The following ODAD4 variants were observed in gnomAD, a reference collection of about 807,000 sequenced individuals.
ODAD4 encodes the protein outer dynein arm-docking complex subunit 4.
In ODAD4, 49 loss-of-function variants were observed where a neutral mutation model predicts 51.8. The ratio of observed to expected loss-of-function variants is 0.95; its 90% confidence interval spans 0.75 to 1.20. The LOEUF (loss-of-function observed/expected upper bound fraction) is 1.20. ODAD4 is among the 50% of genes most tolerant of loss of function. ODAD4 has a pLI of 0.00. For missense variants in ODAD4, 590 were observed against 586.5 expected, an observed-to-expected ratio of 1.01 and a Z score of -0.06; for synonymous variants, 235 against 221.3, an observed-to-expected ratio of 1.06 and a Z score of -0.55.
chr17:41,949,366 G>T lies in ODAD4; in HGVS notation c.1342+17G>T. The T allele has an allele frequency of 2.5e-6, 1 of 398,504 alleles. No homozygotes were observed. The highest frequency in any genetic ancestry group is 1.3e-4 in the South Asian group (1 of 7,760). 24.7% of individuals were successfully genotyped at this position (398,504 alleles called of 1,614,324 possible). ...AGGCACAAGGTATGGGCTCAGAGATGACCACCCTACCTTTTCCAGCCTTCA... is the reference window on the plus strand; with the variant it reads ...AGGCACAAGGTATGGGCTCAGAGATTACCACCCTACCTTTTCCAGCCTTCA... On this transcript the variant is annotated intron_variant, in intron 9 of 11. Transcript: ENST00000377540.
At chr17:41,931,018 C>T (rs1555636730) in intron 1 of ODAD4, among the ~76,000 whole-genome samples, 181 bp downstream of exon 1, 1 of 151,444 alleles carries the variant, frequency 6.6e-6, no homozygotes, top group African/African-American at 2.4e-5. Context: ...CTCCACCTCC[C>T]AAGTAGCTGG....
At chr17:41,949,065 T>G in intron 8 of ODAD4, 88 bp from the exon 9 acceptor site, 1 of 397,734 alleles carries the variant, frequency 2.5e-6, no homozygotes, top group East Asian at 3.6e-5. Context: ...CAAGTTTTAT[T>G]CCGCCACCCA....
rs946381271 is a variant in ODAD4, at chr17:41,949,337, G to C, written c.1330G>C (p.Ala444Pro). The C allele has an allele frequency of 8.0e-5, 32 of 398,668 alleles. No individual in the cohort carries two copies. Among genetic ancestry groups the C allele is most frequent in the Admixed American group, 5.3e-4 (12 of 22,720 alleles). The allele number at this position is 398,668 out of a possible 1,614,324, so 24.7% of individuals were successfully genotyped here. ...EWQLNASVLV[A>P]QAQVKLRDFE... ...GCAACTGAATGCCAGTGTTCTGGTG[G>C]CCCAGGCACAAGGTATGGGCTCAGA... Residue 444 changes from alanine to proline, a missense_variant, in exon 9 of 12, where the codon GCC (alanine) becomes CCC (proline). By Grantham distance (27) the Ala-to-Pro change is conservative (BLOSUM62 -1). This residue lies in a region of ODAD4 where 226 missense variants were observed against 162.7 expected (regional missense o/e 1.39). Transcript: ENST00000377540.
intron 10 of ODAD4, among the ~76,000 whole-genome samples, chr17:41,959,009 G>A (rs1240667957): frequency 4.1e-5 from 6 of 147,378 alleles, no homozygotes; most frequent in African/African-American, 1.3e-4. Flanking sequence ...GCGAGACTCC[G>A]TCTCAAAAAA....
In ODAD4 at chr17:41,965,444, G is replaced by A. The variant is rs1218482525; in HGVS notation, c.1980G>A (p.Thr660=). The A allele has an allele frequency of 6.5e-6, 5 of 766,354 alleles. No individual in the cohort carries two copies. Among genetic ancestry groups the A allele is most frequent in the African/African-American group, 1.7e-5 (1 of 57,800 alleles). 47.5% of individuals were successfully genotyped at this position (766,354 alleles called of 1,614,324 possible). A position where few individuals can be genotyped will look rare whatever the true frequency, so the allele number is the denominator to read the frequency against. The change falls in exon 12 of 12, where the codon ACG becomes ACA. Residue 660 remains threonine, a synonymous_variant. Coordinates refer to ENST00000377540, the MANE Select transcript of ODAD4 (RefSeq NM_031421.5). ...GKTQFGEIGE[T]KKTGNEMEKE... The stretch of plus-strand genomic sequence containing the variant: ...CACAATTTGGAGAAATAGGAGAAAC[G>A]AAAAAAACAGGAAATGAGATGGAAA...
At chr17:41,941,761 C>T (rs1453073757) in intron 7 of ODAD4, among the ~76,000 whole-genome samples, 18 of 88,686 alleles carry the variant, frequency 2.0e-4, no homozygotes, top group African/African-American at 6.8e-4. Flanking sequence ...AGCGAGACTC[C>T]GTCTCAAAAA....
intron 10 of ODAD4, among the ~76,000 whole-genome samples, chr17:41,959,437 G>A (rs2050775993): frequency 6.6e-6 from 1 of 152,216 alleles, no homozygotes; most frequent in African/African-American, 2.4e-5. Flanking sequence ...TAACTTGTGG[G>A]CAGCAAAGGG....
intron 7 of ODAD4, among the ~76,000 whole-genome samples, chr17:41,940,541 T>C (rs1164377046): frequency 1.3e-5 from 2 of 152,222 alleles, no homozygotes; most frequent in African/African-American, 4.8e-5. Context: ...GAATATCCCA[T>C]ACTGGCCATC....
intron 9 of ODAD4, chr17:41,952,627 C>G (rs782672187): frequency 2.0e-6 from 1 of 509,120 alleles, no homozygotes; most frequent in Non-Finnish European, 3.9e-6. Context: ...GCATGTGACT[C>G]TTCTGCAGAC....
At position 41,966,005 on chromosome 17, in the gene ODAD4, C is replaced by G. The variant is rs2050881182; in HGVS notation, c.*522C>G. Among the ~76,000 whole-genome samples, 1 of 152,230 alleles carries G rather than the reference C, an allele frequency of 6.6e-6. No individual in the cohort carries two copies. On this transcript the variant is annotated 3_prime_UTR_variant, in exon 12 of 12. Coordinates refer to ENST00000377540, the MANE Select transcript of ODAD4 (RefSeq NM_031421.5). ...GTGGCCTGGGAGTCGGGAGGGCAGACAGACTCCGCCTCTGACACCTCTGGG... is the reference window on the plus strand; with the variant it reads ...GTGGCCTGGGAGTCGGGAGGGCAGAGAGACTCCGCCTCTGACACCTCTGGG...
At chr17:41,944,770 C>G (rs1345360742) in intron 7 of ODAD4, among the ~76,000 whole-genome samples, 3 of 151,550 alleles carry the variant, frequency 2.0e-5, no homozygotes, top group Non-Finnish European at 4.4e-5. Context: ...GCCTGGGCAA[C>G]AGAGTGAGAC....
chr17:41,935,313 G>A lies in ODAD4; in HGVS notation c.211G>A (p.Glu71Lys), dbSNP rs2144490415. The stretch of plus-strand genomic sequence containing the variant: ...CTTGGAGAGATCCCTGAAGGATGCT[G>A]AGGCTTCGCTCCAGAGTGACCCAGC... ...GDLERSLKDA[E>K]ASLQSDPAFC... is the part of the protein sequence containing the mutation. The change falls in exon 2 of 12, where the codon GAG becomes AAG. Residue 71 changes from glutamate (E) to lysine (K), a missense_variant. By Grantham distance (56) the Glu-to-Lys change is moderately conservative (BLOSUM62 1). Around this residue, in one of 3 missense-constraint regions of ODAD4, gnomAD observed 360 missense variants for 407.5 expected, o/e 0.88. Coordinates refer to ENST00000377540, the MANE Select transcript of ODAD4 (RefSeq NM_031421.5). 6.2e-7 allele frequency: 1 copy of A among 1,614,000 alleles called. No homozygotes were observed. The highest frequency in any genetic ancestry group is 8.5e-7 in the Non-Finnish European group (1 of 1,179,892).
At chr17:41,963,721 C>T (rs11653117) in intron 11 of ODAD4, among the ~76,000 whole-genome samples, 6,839 of 150,582 alleles carry the variant, frequency 0.045, 311 homozygotes, top group Admixed American at 0.12. Context: ...TCACTGCAAC[C>T]TCCATCTCAG....
At chr17:41,960,455 A>C (rs35694494) in intron 10 of ODAD4, among the ~76,000 whole-genome samples, 101,890 of 151,766 alleles carry the variant, frequency 0.67, 35,616 homozygotes, top group East Asian at 0.83. Context: ...CTCAAAAAAA[A>C]AAACAAACAA....
chr17:41,931,360 C>T (rs1315928082), intron 1 of ODAD4, among the ~76,000 whole-genome samples: 2 of 152,118 alleles, frequency 1.3e-5, no homozygotes, highest in Non-Finnish European at 2.9e-5. Context: ...CCATTCTCTG[C>T]GTTAACAGTG....
chr17:41,931,817 C>G (rs994108968), intron 1 of ODAD4, among the ~76,000 whole-genome samples: 2 of 152,182 alleles, frequency 1.3e-5, no homozygotes, highest in Non-Finnish European at 2.9e-5. Flanking sequence ...GCTGGGATTA[C>G]TGAGGTGAGC....
chr17:41,948,599 C>T (rs2050617016), intron 8 of ODAD4, among the ~76,000 whole-genome samples: 1 of 151,940 alleles, frequency 6.6e-6, no homozygotes, highest in Non-Finnish European at 1.5e-5. Flanking sequence ...GAATGAGCCA[C>T]CATACTTGGT....
intron 8 of ODAD4, among the ~76,000 whole-genome samples, chr17:41,948,580 G>A (rs2050616949): frequency 1.3e-5 from 2 of 151,888 alleles, no homozygotes; most frequent in African/African-American, 4.8e-5. Flanking sequence ...CCAAAGGCTG[G>A]GGTTACAGGA....
chr17:41,943,682 T>G (rs2050538177), intron 7 of ODAD4, among the ~76,000 whole-genome samples: 1 of 152,168 alleles, frequency 6.6e-6, no homozygotes, highest in Non-Finnish European at 1.5e-5. Flanking sequence ...TACGTGCAGG[T>G]CACAGGAGAT....
Sources: gnomAD v4.1 joint callset for allele counts (sites outside exome capture counted in the v4.1 genomes callset) on GRCh38, gnomAD v4.1.1 for gene constraint, gnomAD v4.1.1 regional missense constraint, MANE v1.5 for transcripts, NCBI Gene and HGNC (gene_info 2026-07-23, HGNC 2026-07-21) for gene names.